The following RORA variants were observed in gnomAD, a reference collection of about 807,000 sequenced individuals.
The protein encoded by RORA is nuclear receptor ROR-alpha.
Under a neutral mutation model 69.5 loss-of-function variants are expected in RORA, and 7 were observed. The observed-to-expected ratio is 0.10, with a 90% CI of 0.06 to 0.19. The LOEUF is 0.19. Ranked by LOEUF, RORA falls within the 10% of genes least tolerant of loss-of-function variation. RORA has a pLI of 1.00. For missense variants in RORA, 457 were observed against 663.0 expected, an observed-to-expected ratio of 0.69 and a Z score of 3.41; for synonymous variants, 261 against 240.8, an observed-to-expected ratio of 1.08 and a Z score of -0.78.
chr15:61,192,952 T>C (rs2079814215), intron 1 of RORA, among the ~76,000 whole-genome samples: 1 of 152,212 alleles, frequency 6.6e-6, no homozygotes, highest in Non-Finnish European at 1.5e-5. Context: ...ATACTAGTTG[T>C]TGCTATTCCT....
At chr15:60,947,313 G>A (rs1566921019) in intron 1 of RORA, among the ~76,000 whole-genome samples, 1 of 152,212 alleles carries the variant, frequency 6.6e-6, no homozygotes, top group Admixed American at 6.5e-5. Flanking sequence ...GTGGAAAGAG[G>A]TAGACATAGG....
chr15:60,860,447 A>G (rs1392568392), intron 1 of RORA, among the ~76,000 whole-genome samples: 2 of 152,214 alleles, frequency 1.3e-5, no homozygotes, highest in Non-Finnish European at 2.9e-5. Context: ...CCTTCTGAGA[A>G]TGAAGTGTAT....
intron 1 of RORA, among the ~76,000 whole-genome samples, chr15:60,944,688 G>C (rs1484410067): frequency 8.5e-6 from 1 of 117,000 alleles, no homozygotes; most frequent in Non-Finnish European, 1.7e-5. Context: ...TCATACCACT[G>C]TACTCCAAAA....
rs1040118263 is a variant in RORA at position 60,499,979 on chromosome 15, T to C, written c.1320A>G (p.Val440=). 1 of 1,612,602 alleles carries C rather than the reference T, an allele frequency of 6.2e-7. No individual in the cohort carries two copies. The highest frequency in any genetic ancestry group is 8.5e-7 in the Non-Finnish European group (1 of 1,179,058). The part of the protein sequence containing the change: ...SADRSWLQEK[V]KIEKLQQKIQ... ...TTTTCTGTTGCAGTTTTTCAATTTT[T>C]ACCTTTTCTTGCAGCCATGAGCGAT... is the stretch of plus-strand genomic sequence containing the variant. Residue 440 remains valine, a synonymous_variant, in exon 10 of 11, where the codon GTA becomes GTG. Coordinates refer to ENST00000335670, the MANE Select transcript of RORA (RefSeq NM_134261.3).
chr15:61,067,930 T>C (rs961326149), intron 1 of RORA, among the ~76,000 whole-genome samples: 5 of 152,216 alleles, frequency 3.3e-5, no homozygotes, highest in African/African-American at 9.6e-5. Context: ...TTGAGGAGTA[T>C]TGGTCTAGCT....
intron 1 of RORA, among the ~76,000 whole-genome samples, chr15:61,184,972 G>A (rs185569946): frequency 1.1e-4 from 13 of 121,074 alleles, no homozygotes; most frequent in African/African-American, 1.9e-4. Context: ...GCAAAGGAGC[G>A]AGACCCTGTC....
At chr15:61,162,568 T>C (rs1185280501) in intron 1 of RORA, among the ~76,000 whole-genome samples, 2 of 152,164 alleles carry the variant, frequency 1.3e-5, no homozygotes, top group Non-Finnish European at 2.9e-5. Flanking sequence ...CCCTCTCTTT[T>C]AGCCCTGACA....
At chr15:60,498,411 C>G (rs1205425950) in intron 10 of RORA, among the ~76,000 whole-genome samples, 1 of 152,144 alleles carries the variant, frequency 6.6e-6, no homozygotes, top group African/African-American at 2.4e-5. Flanking sequence ...TAGTCAACTC[C>G]GATAACTACA....
intron 1 of RORA, among the ~76,000 whole-genome samples, chr15:61,052,808 G>A (rs897278922): frequency 6.6e-6 from 1 of 152,150 alleles, no homozygotes; most frequent in Non-Finnish European, 1.5e-5. Flanking sequence ...AGAAAGACGC[G>A]AAGATGAAAA....
chr15:60,781,668 G>A (rs2072258787), intron 1 of RORA, among the ~76,000 whole-genome samples: 1 of 151,978 alleles, frequency 6.6e-6, no homozygotes, highest in African/African-American at 2.4e-5. Flanking sequence ...ATAACCCCTG[G>A]GCTGAGTGCC....
At chr15:61,180,307 T>C (rs1020214256) in intron 1 of RORA, among the ~76,000 whole-genome samples, 57 of 152,200 alleles carry the variant, frequency 3.7e-4, no homozygotes, top group African/African-American at 1.3e-3. Context: ...ATCCTATCAC[T>C]ACTTATTTCC....
intron 1 of RORA, among the ~76,000 whole-genome samples, chr15:60,985,733 C>T (rs4386080): frequency 0.24 from 36,972 of 151,592 alleles, 4,712 homozygotes; most frequent in East Asian, 0.35. Context: ...TACAGGTGCG[C>T]GCCACCATGC....
chr15:60,865,855 T>C (rs1595776781), intron 1 of RORA, among the ~76,000 whole-genome samples: 1 of 152,246 alleles, frequency 6.6e-6, no homozygotes, highest in East Asian at 1.9e-4. Context: ...CTGAGAGCTA[T>C]AATGAAGATC....
intron 1 of RORA, among the ~76,000 whole-genome samples, chr15:61,059,386 G>T (rs1055575991): frequency 1.4e-4 from 22 of 152,206 alleles, no homozygotes; most frequent in African/African-American, 5.3e-4. Context: ...ACCTTAGAGT[G>T]ATGTTTATTC....
At chr15:60,983,297 C>G (rs908264984) in intron 1 of RORA, among the ~76,000 whole-genome samples, 1 of 152,218 alleles carries the variant, frequency 6.6e-6, no homozygotes, top group Non-Finnish European at 1.5e-5. Context: ...CAATAAGATA[C>G]CAAATTCCAG....
chr15:61,106,768 A>G (rs368885643), intron 1 of RORA, among the ~76,000 whole-genome samples: 3 of 152,066 alleles, frequency 2.0e-5, no homozygotes, highest in Admixed American at 2.0e-4. Context: ...CTATTTATAA[A>G]CCCTGGGAGG....
Position 61,055,495 on chromosome 15 carries a change from T to C in RORA, c.166+173558A>G, listed in dbSNP as rs531755273. ...ACTCATCTCACTTCTCTACCGTCTC[T>C]CCCGCCCCTACAATGCCTTGCAGGT... On this transcript the variant is annotated intron_variant, in intron 1 of 10. Transcript: ENST00000335670. Among the ~76,000 whole-genome samples the C allele has an allele frequency of 3.3e-5, 5 of 152,306 alleles. No homozygotes were observed. In the East Asian group the frequency reaches 9.6e-4, roughly 29 times the overall value.
intron 9 of RORA, 103 bp downstream of exon 9, chr15:60,500,853 TTAG>T (rs2065310308): frequency 1.6e-6 from 1 of 628,942 alleles, no homozygotes; most frequent in African/African-American, 1.9e-5. Context: ...GAGACCTCTC[TTAG>T]TAGCTCCCAA....
At chr15:60,653,142 C>G (rs1301276841) in intron 2 of RORA, among the ~76,000 whole-genome samples, 1 of 152,112 alleles carries the variant, frequency 6.6e-6, no homozygotes, top group Non-Finnish European at 1.5e-5. Context: ...TTTTAGCTTG[C>G]TAGGGGGAAT....
Sources: allele counts gnomAD v4.1 joint callset (sites outside exome capture counted in the v4.1 genomes callset), GRCh38; gene constraint gnomAD v4.1.1; transcripts MANE v1.5; gene names NCBI Gene and HGNC (gene_info 2026-07-23, HGNC 2026-07-21).